AJAP1: variants seen among roughly 807,000 people sequenced by gnomAD.
AJAP1 encodes the protein adherens junctions associated protein 1.
AJAP1 carries 5 observed loss-of-function variants against 35.0 expected under a neutral mutation model. That is an observed-to-expected ratio of 0.14 (90% CI 0.07 to 0.30). AJAP1 has a LOEUF of 0.30. Ranked by LOEUF, AJAP1 falls within the 10% of genes least tolerant of loss-of-function variation. The pLI is 1.00. For missense variants in AJAP1, 586 were observed against 571.0 expected (o/e 1.03, Z -0.27); for synonymous variants, 284 against 249.3 (o/e 1.14, Z -1.31).
At chr1:4,705,003 T>G (rs1640069538) in intron 1 of AJAP1, among the ~76,000 whole-genome samples, 1 of 152,182 alleles carries the variant, frequency 6.6e-6, no homozygotes, top group Non-Finnish European at 1.5e-5. Context: ...TTGATGGGGT[T>G]GTTTGTTTTT....
At chr1:4,715,398 G>A (rs1640365146) in intron 2 of AJAP1, among the ~76,000 whole-genome samples, 1 of 152,246 alleles carries the variant, frequency 6.6e-6, no homozygotes. Flanking sequence ...TTGAGGCTTA[G>A]AAATAGGCCG....
chr1:4,663,134 T>C (rs966517649), intron 1 of AJAP1, among the ~76,000 whole-genome samples: 1 of 152,132 alleles, frequency 6.6e-6, no homozygotes, highest in Admixed American at 6.5e-5. Context: ...CATTTTGTTT[T>C]TATTTTATTT....
chr1:4,725,052 A>G (rs1367421062), intron 2 of AJAP1, among the ~76,000 whole-genome samples: 2 of 152,180 alleles, frequency 1.3e-5, no homozygotes, highest in Non-Finnish European at 2.9e-5. Flanking sequence ...GCCCAGAGCG[A>G]GCAATGAAAC....
chr1:4,760,490 C>T (rs750334170), intron 2 of AJAP1, among the ~76,000 whole-genome samples: 70 of 152,156 alleles, frequency 4.6e-4, no homozygotes, highest in Non-Finnish European at 8.8e-5. Flanking sequence ...CAGCACTGGA[C>T]TTTCTGCTCC....
At chr1:4,778,698 G>A (rs757361156) in intron 5 of AJAP1, among the ~76,000 whole-genome samples, 2 of 152,000 alleles carry the variant, frequency 1.3e-5, no homozygotes, top group Non-Finnish European at 2.9e-5. Flanking sequence ...AGTCTTGGAA[G>A]AGACTCCCTT....
At chr1:4,670,068 A>G (rs1305903441) in intron 1 of AJAP1, among the ~76,000 whole-genome samples, 1 of 152,154 alleles carries the variant, frequency 6.6e-6, no homozygotes, top group Non-Finnish European at 1.5e-5. Flanking sequence ...CGGGGATGTC[A>G]CTCAGCCCTG....
chr1:4,682,832 TTGGTGA>T (rs1176679024), intron 1 of AJAP1, among the ~76,000 whole-genome samples: 23 of 149,752 alleles, frequency 1.5e-4, no homozygotes, highest in Non-Finnish European at 4.4e-5. Flanking sequence ...ACTGGTGGTG[TTGGTGA>T]TGGTGATGAT....
At chr1:4,779,884 C>T (rs1194293742) in intron 5 of AJAP1, among the ~76,000 whole-genome samples, 1 of 152,046 alleles carries the variant, frequency 6.6e-6, no homozygotes, top group Non-Finnish European at 1.5e-5. Flanking sequence ...GTGGCTCACA[C>T]CTGTAATCCC....
chr1:4,782,067 G>A lies in AJAP1; in HGVS notation c.*60-478G>A, dbSNP rs1246884999. Among the ~76,000 whole-genome samples, 2 of 152,164 alleles carry A rather than the reference G, an allele frequency of 1.3e-5. No individual in the cohort carries two copies. Among genetic ancestry groups the A allele is most frequent in the African/African-American group, 4.8e-5 (2 of 41,444 alleles). ...CTCGGGGATCCTGCAGCTGAGTAGT[G>A]GACAGAAACAGACTCCCATTCTTCC... On this transcript the variant is annotated intron_variant, in intron 5 of 5. Transcript: ENST00000378191. The surrounding 1 kb of genome is among the most constrained non-coding windows in gnomAD (Gnocchi z 5.3).
In AJAP1 at chr1:4,661,366, A is replaced by C. The variant is rs1638995564; in HGVS notation, c.29+5912A>C. On this transcript the variant is annotated intron_variant, in intron 1 of 5. Coordinates refer to ENST00000378191, the MANE Select transcript of AJAP1 (RefSeq NM_018836.4). ...GTGCTAAACTGTTCAGCCATTCTGC[A>C]TTGTCCCACTCCACCCTCATGTTCC... is the stretch of plus-strand genomic sequence containing the variant. Among the ~76,000 whole-genome samples the C allele has an allele frequency of 2.0e-5, 3 of 152,228 alleles. No homozygotes were observed. In the East Asian group the frequency reaches 5.8e-4, roughly 29 times the overall value.
At chr1:4,710,187 C>T (rs376866342) in intron 1 of AJAP1, among the ~76,000 whole-genome samples, 17 of 151,794 alleles carry the variant, frequency 1.1e-4, no homozygotes, top group East Asian at 7.7e-4. Flanking sequence ...CACACAGGAA[C>T]GCACAGATAC....
At chr1:4,686,092 A>C (rs1292462761) in intron 1 of AJAP1, among the ~76,000 whole-genome samples, 1 of 152,232 alleles carries the variant, frequency 6.6e-6, no homozygotes, top group Non-Finnish European at 1.5e-5. Flanking sequence ...GGCATGTGCC[A>C]GGCACGAGAC....
chr1:4,770,346 T>C (rs410413), intron 3 of AJAP1, among the ~76,000 whole-genome samples: 112,589 of 151,762 alleles, frequency 0.74, 42,202 homozygotes, highest in Middle Eastern at 0.79. Context: ...CACTCAGGCT[T>C]GGTGGCCGGT....
intron 1 of AJAP1, among the ~76,000 whole-genome samples, chr1:4,679,731 C>G (rs1222024793): frequency 2.6e-5 from 4 of 151,972 alleles, no homozygotes; most frequent in Non-Finnish European, 5.9e-5. Context: ...CTTCTCCCAT[C>G]CACATGTGTC....
At chr1:4,685,084 C>G (rs564463710) in intron 1 of AJAP1, among the ~76,000 whole-genome samples, 1 of 152,120 alleles carries the variant, frequency 6.6e-6, no homozygotes, top group African/African-American at 2.4e-5. Context: ...GTCATGGCCC[C>G]GAACCCCCTC....
At chr1:4,749,060 C>T (rs2802720) in intron 2 of AJAP1, among the ~76,000 whole-genome samples, 38,660 of 152,130 alleles carry the variant, frequency 0.25, 5,305 homozygotes, top group Non-Finnish European at 0.31. Context: ...CAACCAGCAA[C>T]ACTGTCCCCA....
At chr1:4,691,881 C>T (rs566584184) in intron 1 of AJAP1, among the ~76,000 whole-genome samples, 1 of 152,216 alleles carries the variant, frequency 6.6e-6, no homozygotes, top group South Asian at 2.1e-4. Flanking sequence ...CCTGAGCCTG[C>T]GGGAAAATCA....
intron 2 of AJAP1, among the ~76,000 whole-genome samples, chr1:4,766,944 C>G (rs181951847): frequency 1.3e-5 from 2 of 152,020 alleles, no homozygotes; most frequent in African/African-American, 4.8e-5. Context: ...CTAGGTGCAT[C>G]GAGGGATCCT....
At chr1:4,689,674 G>A (rs556113699) in intron 1 of AJAP1, among the ~76,000 whole-genome samples, 14 of 152,324 alleles carry the variant, frequency 9.2e-5, no homozygotes, top group Admixed American at 5.2e-4. Context: ...CACAGCTTTC[G>A]GGGTTGACTG....
Sources: gnomAD v4.1 joint callset for allele counts (sites outside exome capture counted in the v4.1 genomes callset) on GRCh38, gnomAD v4.1.1 for gene constraint, Gnocchi (gnomAD v3.1) non-coding constraint, MANE v1.5 for transcripts, NCBI Gene and HGNC (gene_info 2026-07-23, HGNC 2026-07-21) for gene names.